The following MET variants were observed in gnomAD, a reference collection of about 807,000 sequenced individuals.
MET encodes the protein hepatocyte growth factor receptor.
A neutral mutation model predicts 133.1 loss-of-function variants in MET; 48 were observed. The observed-to-expected ratio is 0.36, with a 90% CI of 0.29 to 0.46. The LOEUF (loss-of-function observed/expected upper bound fraction) is 0.46, where lower values mean the gene tolerates loss of function less well. Among genes scored for constraint, MET ranks in the 20% least tolerant of loss-of-function variants. The pLI is 1.00. For missense variants in MET, 1,442 were observed against 1,695.9 expected (o/e 0.85, Z 2.63); for synonymous variants, 628 against 616.5 (o/e 1.02, Z -0.28).
intron 2 of MET, 64 bp downstream of exon 2, chr7:116,700,348 C>T (rs1791531229): frequency 6.5e-7 from 1 of 1,535,234 alleles, no homozygotes; most frequent in Admixed American, 2.1e-5. Flanking sequence ...GTATCAGTCT[C>T]AAAAAGAATA....
At chr7:116,775,223 T>A in intron 15 of MET, 112 bp downstream of exon 15, 1 of 903,352 alleles carries the variant, frequency 1.1e-6, no homozygotes, top group South Asian at 1.4e-5. Context: ...GACAGAGCAG[T>A]GATAACAAGT....
intron 2 of MET, among the ~76,000 whole-genome samples, chr7:116,723,836 C>G (rs1392491294): frequency 6.6e-6 from 1 of 152,228 alleles, no homozygotes; most frequent in Non-Finnish European, 1.5e-5. Context: ...GGCAGTCTGC[C>G]CATTCTCAGA....
chr7:116,733,396 A>G (rs958932854), intron 3 of MET, among the ~76,000 whole-genome samples: 5 of 149,216 alleles, frequency 3.4e-5, no homozygotes, highest in Non-Finnish European at 7.4e-5. Flanking sequence ...CCAGTTTTGT[A>G]TGAATAAGCT....
chr7:116,787,684 G>A (rs1057482679), intron 19 of MET, among the ~76,000 whole-genome samples: 7 of 152,210 alleles, frequency 4.6e-5, no homozygotes, highest in Admixed American at 4.6e-4. Context: ...GAACACTGTT[G>A]CATTGGGAGG....
intron 11 of MET, among the ~76,000 whole-genome samples, chr7:116,763,988 G>C (rs796579144): frequency 3.3e-5 from 5 of 152,252 alleles, no homozygotes; most frequent in African/African-American, 1.2e-4. Flanking sequence ...ACTAGAAACA[G>C]CAAAATATTT....
At chr7:116,750,280 C>T (rs189048908) in intron 5 of MET, among the ~76,000 whole-genome samples, 1 of 152,286 alleles carries the variant, frequency 6.6e-6, no homozygotes, top group Non-Finnish European at 1.5e-5. Flanking sequence ...TAACACCACG[C>T]ATTTACAACC....
rs1795718843 is a variant in MET at position 116,797,710 on chromosome 7, T to A, written c.*1586T>A. 4.4e-6 allele frequency: 1 copy of A among 227,522 alleles called. No individual in the cohort carries two copies. Among genetic ancestry groups the A allele is most frequent in the Non-Finnish European group, 8.7e-6 (1 of 114,364 alleles). The allele number at this position is 227,522 out of a possible 1,614,324, so 14.1% of individuals were successfully genotyped here. On this transcript the variant is annotated 3_prime_UTR_variant, in exon 21 of 21. Coordinates refer to ENST00000397752, the MANE Select transcript of MET (RefSeq NM_000245.4). ...TGCACTGTGAACATTTTAGAAAAGG[T>A]ATGTCAGACTGGGATTAATGACAGC...
chr7:116,757,012 T>C (rs1305958071), intron 6 of MET, among the ~76,000 whole-genome samples: 1 of 151,898 alleles, frequency 6.6e-6, no homozygotes, highest in Non-Finnish European at 1.5e-5. Flanking sequence ...GAGGATCACC[T>C]GAGCCCAGGA....
intron 1 of MET, among the ~76,000 whole-genome samples, chr7:116,685,855 A>G (rs1373617852): frequency 6.6e-6 from 1 of 152,064 alleles, no homozygotes; most frequent in Non-Finnish European, 1.5e-5. Context: ...TTTTTCTCAC[A>G]TGCCTCAGAT....
At chr7:116,777,237 C>T in intron 15 of MET, 152 bp from the exon 16 acceptor site, 1 of 681,144 alleles carries the variant, frequency 1.5e-6, no homozygotes, top group Non-Finnish European at 2.6e-6. Context: ...ACCTACGTAC[C>T]TATAGTGGTA....
chr7:116,685,493 C>T (rs1162527833), intron 1 of MET, among the ~76,000 whole-genome samples: 2 of 151,990 alleles, frequency 1.3e-5, no homozygotes, highest in African/African-American at 4.8e-5. Flanking sequence ...CAAGACCAGC[C>T]TGGCCAACAT....
chr7:116,688,534 G>C (rs1796658011), intron 1 of MET, among the ~76,000 whole-genome samples: 1 of 152,158 alleles, frequency 6.6e-6, no homozygotes, highest in South Asian at 2.1e-4. Flanking sequence ...GTCAATCAGG[G>C]CTCTGAGAGT....
intron 2 of MET, among the ~76,000 whole-genome samples, chr7:116,703,762 T>C (rs1791669400): frequency 6.6e-6 from 1 of 152,096 alleles, no homozygotes; most frequent in Admixed American, 6.6e-5. Flanking sequence ...ATAAGAGAAT[T>C]TTTTAAATCC....
intron 11 of MET, among the ~76,000 whole-genome samples, chr7:116,768,433 T>G (rs1321043011): frequency 6.6e-6 from 1 of 152,194 alleles, no homozygotes; most frequent in Non-Finnish European, 1.5e-5. Flanking sequence ...GCTGAGCTTC[T>G]GTGTTGTGTT....
intron 19 of MET, among the ~76,000 whole-genome samples, chr7:116,789,344 G>C (rs527810273): frequency 6.6e-6 from 1 of 152,260 alleles, no homozygotes; most frequent in Admixed American, 6.5e-5. Flanking sequence ...ACCATGTTCA[G>C]AATCAAACTC....
rs1584965685 is a variant in MET, at chr7:116,783,436, G to A, written c.3765G>A (p.Leu1255=). ...LPVKWMALES[L]QTQKFTTKSD... is the part of the protein sequence containing the mutation. ...TGAAGTGGATGGCTTTGGAAAGTCT[G>A]CAAACTCAAAAGTTTACCACCAAGT... The change falls in exon 19 of 21, where the codon CTG becomes CTA. Residue 1255 remains leucine, a synonymous_variant. Coordinates refer to ENST00000397752, the MANE Select transcript of MET (RefSeq NM_000245.4). 6.2e-7 allele frequency: 1 copy of A among 1,614,084 alleles called. No homozygotes were observed. Among genetic ancestry groups the A allele is most frequent in the East Asian group, 2.2e-5 (1 of 44,848 alleles).
At chr7:116,761,390 T>C (rs900324263) in intron 10 of MET, among the ~76,000 whole-genome samples, 1 of 152,186 alleles carries the variant, frequency 6.6e-6, no homozygotes, top group Non-Finnish European at 1.5e-5. Context: ...TGAAAAGTAC[T>C]TTATAAGGAG....
rs1791523699 is a variant in MET, at chr7:116,700,244, A to G, written c.1160A>G (p.Gln387Arg). 1 of 1,602,554 alleles carries G rather than the reference A, an allele frequency of 6.2e-7. No individual in the cohort carries two copies. Among genetic ancestry groups the G allele is most frequent in the Non-Finnish European group, 8.5e-7 (1 of 1,177,342 alleles). ...AACAAAAACAATGTGAGATGTCTCC[A>G]GCATTTTTACGGACCCAATCATGAG... ...IVNKNNVRCL[Q>R]HFYGPNHEHC... The change falls in exon 2 of 21, where the codon CAG becomes CGG. Residue 387 changes from glutamine to arginine, a missense_variant. Transcript: ENST00000397752.
rs56311081 is a variant in MET, at chr7:116,699,551, C to G, written c.467C>G (p.Ser156Trp). ...FPHNHTADIQ[S>W]EVHCIFSPQI... The stretch of plus-strand genomic sequence containing the variant: ...CACAATCATACTGCTGACATACAGT[C>G]GGAGGTTCACTGCATATTCTCCCCA... Residue 156 changes from serine to tryptophan, a missense_variant, in exon 2 of 21, where the codon TCG becomes TGG. Ser to Trp is a radical substitution (Grantham distance 177). Transcript: ENST00000397752. 1.9e-6 allele frequency: 3 copies of G among 1,613,856 alleles called. No individual in the cohort carries two copies. Among genetic ancestry groups the G allele is most frequent in the South Asian group, 2.2e-5 (2 of 91,070 alleles).
Sources: gnomAD v4.1 joint callset for allele counts (sites outside exome capture counted in the v4.1 genomes callset) on GRCh38, gnomAD v4.1.1 for gene constraint, MANE v1.5 for transcripts, NCBI Gene and HGNC (gene_info 2026-07-23, HGNC 2026-07-21) for gene names.